The following RNFT2 variants were observed in gnomAD, a reference collection of about 807,000 sequenced individuals.
RNFT2 encodes E3 ubiquitin-protein ligase RNFT2.
In RNFT2, 36 loss-of-function variants were observed where a neutral mutation model predicts 53.0. The observed-to-expected ratio is 0.68, with a 90% CI of 0.52 to 0.90. RNFT2 has a LOEUF of 0.90. Ranked by LOEUF, RNFT2 falls within the 40% of genes least tolerant of loss-of-function variation. The pLI, the probability that RNFT2 is intolerant of heterozygous loss-of-function variation, is 0.00. For missense variants in RNFT2, 514 were observed against 585.6 expected (o/e 0.88, Z 1.26); for synonymous variants, 260 against 253.2 (o/e 1.03, Z -0.26).
intron 7 of RNFT2, among the ~76,000 whole-genome samples, chr12:116,824,052 T>C (rs973070492): frequency 1.3e-5 from 2 of 152,146 alleles, no homozygotes; most frequent in Non-Finnish European, 2.9e-5. Flanking sequence ...CAGGGCCTCA[T>C]CTCTGAAGAG....
intron 10 of RNFT2, among the ~76,000 whole-genome samples, chr12:116,847,824 G>T (rs1319457852): frequency 2.6e-5 from 4 of 152,202 alleles, no homozygotes; most frequent in African/African-American, 9.6e-5. Flanking sequence ...ACCGCGCCTG[G>T]CCCTCTCTCT....
intron 7 of RNFT2, among the ~76,000 whole-genome samples, chr12:116,818,269 G>C (rs1232031700): frequency 6.6e-6 from 1 of 150,836 alleles, no homozygotes; most frequent in Non-Finnish European, 1.5e-5. Flanking sequence ...GCTGCAGTGA[G>C]CTGAGATCGC....
chr12:116,789,747 G>GGGTA (rs1213434480), intron 7 of RNFT2, among the ~76,000 whole-genome samples: 1 of 149,764 alleles, frequency 6.7e-6, no homozygotes, highest in Admixed American at 6.7e-5. Flanking sequence ...ATGGGTGGAT[G>GGGTA]GGTAAATGGG....
At chr12:116,790,198 G>C (rs575988148) in intron 7 of RNFT2, among the ~76,000 whole-genome samples, 1 of 152,272 alleles carries the variant, frequency 6.6e-6, no homozygotes, top group Admixed American at 6.5e-5. Flanking sequence ...AAATCTGGCA[G>C]CCACACTTAT....
At chr12:116,744,225 CAAAAAA>C (rs5801197) in intron 3 of RNFT2, among the ~76,000 whole-genome samples, 1 of 100,060 alleles carries the variant, frequency 1.0e-5, no homozygotes, top group South Asian at 3.5e-4. Flanking sequence ...GACTCCTCCT[CAAAAAA>C]AAAAAAAAAA....
chr12:116,773,278 G>A (rs1873283002), intron 6 of RNFT2, among the ~76,000 whole-genome samples: 1 of 152,190 alleles, frequency 6.6e-6, no homozygotes, highest in South Asian at 2.1e-4. Context: ...AACGTCTATT[G>A]ACACTTCCTG....
intron 7 of RNFT2, chr12:116,801,086 G>T (rs1874771386): frequency 6.6e-6 from 1 of 152,142 alleles, no homozygotes; most frequent in Admixed American, 6.6e-5. Context: ...TGAGAAGGGA[G>T]GTGCTGTTAT....
intron 6 of RNFT2, among the ~76,000 whole-genome samples, chr12:116,770,006 T>C (rs1396537571): frequency 6.6e-6 from 1 of 152,136 alleles, no homozygotes; most frequent in Non-Finnish European, 1.5e-5. Flanking sequence ...CTGCATCCAG[T>C]CTGGGTGATA....
At chr12:116,785,812 G>T (rs923240737) in intron 7 of RNFT2, among the ~76,000 whole-genome samples, 1 of 152,116 alleles carries the variant, frequency 6.6e-6, no homozygotes, top group East Asian at 1.9e-4. Context: ...ACTTTGGGAG[G>T]CCAAGATGGG....
At chr12:116,766,974 C>A in intron 6 of RNFT2, 60 bp downstream of exon 6, 1 of 1,185,724 alleles carries the variant, frequency 8.4e-7, no homozygotes, top group Non-Finnish European at 1.2e-6. Context: ...GGGCTTGGGG[C>A]ACGTACCCTT....
intron 6 of RNFT2, among the ~76,000 whole-genome samples, chr12:116,768,176 C>G (rs555202481): frequency 3.4e-4 from 51 of 150,788 alleles, no homozygotes; most frequent in African/African-American, 1.2e-3. Context: ...TCCCGGCTCA[C>G]TGCAACCTAT....
chr12:116,796,526 C>T (rs528547545), intron 7 of RNFT2, among the ~76,000 whole-genome samples: 2 of 152,196 alleles, frequency 1.3e-5, no homozygotes, highest in Admixed American at 6.5e-5. Context: ...AGCACAGGGA[C>T]GGGGAGGGAA....
At chr12:116,778,702 T>G (rs552367706) in intron 6 of RNFT2, among the ~76,000 whole-genome samples, 1 of 152,246 alleles carries the variant, frequency 6.6e-6, no homozygotes, top group African/African-American at 2.4e-5. Context: ...ATACAAAAAA[T>G]TAGCCAGCTG....
Position 116,755,885 on chromosome 12 carries a change from T to G in RNFT2, c.627+1825T>G, listed in dbSNP as rs1053008867. On this transcript the variant is annotated intron_variant, in intron 5 of 10. Transcript: ENST00000257575. ...CTTTGTGTTCGTCATTTTGGCGAAT[T>G]ACTAGAAGATGGCAGTTCCGGCTGA... The G allele has an allele frequency of 2.9e-5, 42 of 1,473,684 alleles. No individual in the cohort carries two copies. The Admixed American group carries it at 6.7e-4, about 23-fold the overall frequency. 91.3% of individuals were successfully genotyped at this position (1,473,684 alleles called of 1,614,324 possible).
chr12:116,799,281 T>C (rs1487582280), intron 7 of RNFT2, among the ~76,000 whole-genome samples: 1 of 152,220 alleles, frequency 6.6e-6, no homozygotes, highest in Non-Finnish European at 1.5e-5. Flanking sequence ...TTCTCTGACT[T>C]CCTTTTCCCC....
intron 7 of RNFT2, among the ~76,000 whole-genome samples, chr12:116,785,080 C>T (rs1873869150): frequency 6.6e-6 from 1 of 152,062 alleles, no homozygotes; most frequent in Non-Finnish European, 1.5e-5. Context: ...CTTGGTTCCC[C>T]CTCTGTTTCT....
At chr12:116,753,712 C>T (rs916344473) in intron 4 of RNFT2, among the ~76,000 whole-genome samples, 2 of 152,106 alleles carry the variant, frequency 1.3e-5, no homozygotes, top group African/African-American at 4.8e-5. Flanking sequence ...TGAACCCAGC[C>T]CTTACCAGAC....
chr12:116,849,250 C>A, intron 10 of RNFT2, 64 bp from the exon 11 acceptor site: 1 of 1,380,802 alleles, frequency 7.2e-7, no homozygotes, highest in African/African-American at 1.4e-5. Flanking sequence ...CCTTCTCCTG[C>A]TCCCGAGACC....
intron 7 of RNFT2, among the ~76,000 whole-genome samples, chr12:116,822,334 G>GTCTCTCTCTCTGTCTCTCTCTC (rs1555208821): frequency 1.3e-5 from 2 of 151,870 alleles, no homozygotes; most frequent in African/African-American, 2.4e-5. Context: ...AACAGGGTCT[G>GTCTCTCTCTCTGTCTCTCTCTC]TCTCTCTCTC....
Sources: allele counts gnomAD v4.1 joint callset (sites outside exome capture counted in the v4.1 genomes callset), GRCh38; gene constraint gnomAD v4.1.1; transcripts MANE v1.5; gene names NCBI Gene and HGNC (gene_info 2026-07-23, HGNC 2026-07-21).